Variants in HMCN1 observed in about 807,000 individuals in gnomAD.
The protein encoded by HMCN1 is hemicentin 1, also known as hemicentin-1.
HMCN1 carries 321 observed loss-of-function variants against 625.9 expected under a neutral mutation model. That is an observed-to-expected ratio of 0.51 (90% confidence interval 0.47 to 0.56). The LOEUF (loss-of-function observed/expected upper bound fraction) is 0.56, where lower values mean the gene tolerates loss of function less well. Ranked by LOEUF, HMCN1 falls within the 20% of genes least tolerant of loss-of-function variation. The pLI is 0.00. For synonymous variants in HMCN1, 2,425 were observed against 2,417.6 expected (o/e 1.00, Z -0.09); for missense variants, 6,588 against 6,887.3 (o/e 0.96, Z 1.54).
intron 87 of HMCN1, 46 bp downstream of exon 87, chr1:186,136,983 G>A (rs1558251012): frequency 1.2e-6 from 2 of 1,601,640 alleles, no homozygotes; most frequent in Admixed American, 1.7e-5. Flanking sequence ...TACCTGGGGT[G>A]ACTCAAATCA....
chr1:186,190,186 A>G lies in HMCN1; in HGVS notation c.*308A>G, dbSNP rs1013584383. On this transcript the variant is annotated 3_prime_UTR_variant, in exon 107 of 107. Coordinates refer to ENST00000271588, the MANE Select transcript of HMCN1 (RefSeq NM_031935.3). Reference sequence around the variant, plus strand: ...GATGGTTTACAGTAGTGTAGTACCTAAGATCATTTTCCTGAAAGCCAAACC... The same window carrying G: ...GATGGTTTACAGTAGTGTAGTACCTGAGATCATTTTCCTGAAAGCCAAACC... The G allele has an allele frequency of 2.0e-5, 6 of 295,994 alleles. No homozygotes were observed. Among genetic ancestry groups the G allele is most frequent in the African/African-American group, 8.5e-5 (4 of 47,182 alleles). 18.3% of individuals were successfully genotyped at this position (295,994 alleles called of 1,614,324 possible). A position where few individuals can be genotyped will look rare whatever the true frequency, so the allele number is the denominator to read the frequency against.
rs777849268 is a variant in HMCN1, at chr1:185,864,559, T to G, written c.429T>G (p.Thr143=). The G allele has an allele frequency of 6.2e-7, 1 of 1,614,068 alleles. No individual in the cohort carries two copies. The highest frequency in any genetic ancestry group is 8.5e-7 in the Non-Finnish European group (1 of 1,179,942). Residue 143 remains threonine, a synonymous_variant, in exon 3 of 107, where the codon ACT becomes ACG. Transcript: ENST00000271588. The stretch of plus-strand genomic sequence containing the variant: ...CTGGTTCTTTCATCTATGTTTTCAC[T>G]GATGCTCGGTCCAAAGATTACCGGC... The part of the protein sequence containing the change: ...SLPGSFIYVF[T]DARSKDYRLT...
rs192080238 is a variant in HMCN1, at chr1:186,187,927, C to T, written c.16459C>T (p.Arg5487Cys). The change falls in exon 106 of 107, where the codon CGC becomes TGC. Residue 5487 changes from arginine to cysteine, a missense_variant. Transcript: ENST00000271588. ...LEQNVHCGPNRMCFNMRGSYQ... is the reference protein window; with the variant it reads ...LEQNVHCGPNCMCFNMRGSYQ... ...GCAGAATGTGCACTGTGGACCCAATCGCATGTGCTTCAACATGAGAGGAAG... is the reference window on the plus strand; with the variant it reads ...GCAGAATGTGCACTGTGGACCCAATTGCATGTGCTTCAACATGAGAGGAAG... 8.7e-6 allele frequency: 14 copies of T among 1,613,778 alleles called. No homozygotes were observed. The highest frequency in any genetic ancestry group is 2.2e-5 in the East Asian group (1 of 44,858).
intron 1 of HMCN1, among the ~76,000 whole-genome samples, chr1:185,844,388 A>C (rs888388007): frequency 2.0e-5 from 3 of 152,296 alleles, no homozygotes; most frequent in Admixed American, 6.5e-5. Context: ...TGTTATTTCT[A>C]AGAAAAAGTA....
rs887480931 is a variant in HMCN1, at chr1:186,114,014, G to A, written c.11167G>A (p.Val3723Ile). 1 of 1,614,138 alleles carries A rather than the reference G, an allele frequency of 6.2e-7. No individual in the cohort carries two copies. Among genetic ancestry groups the A allele is most frequent in the Admixed American group, 1.7e-5 (1 of 60,018 alleles). The change falls in exon 73 of 107, where the codon GTA becomes ATA. Residue 3723 changes from valine (V) to isoleucine (I), a missense_variant. Val to Ile is a conservative substitution (Grantham distance 29). Around this residue, in one of 3 missense-constraint regions of HMCN1, gnomAD observed 4,628 missense variants for 4,853.1 expected, o/e 0.95. Coordinates refer to ENST00000271588, the MANE Select transcript of HMCN1 (RefSeq NM_031935.3). ...PNIKGGPQSL[V>I]ILLNKSTVLE... ...CATAAAGGGGGGCCCCCAGAGCCTTGTAATTCTTTTAAATAAGTCAACTGT... is the reference window on the plus strand; with the variant it reads ...CATAAAGGGGGGCCCCCAGAGCCTTATAATTCTTTTAAATAAGTCAACTGT...
At chr1:185,900,666 G>A (rs1665753967) in intron 4 of HMCN1, among the ~76,000 whole-genome samples, 2 of 151,824 alleles carry the variant, frequency 1.3e-5, no homozygotes. Flanking sequence ...ACTATTATAT[G>A]CTCTATTATA....
At chr1:185,869,376 T>TCCACA (rs1663465421) in intron 4 of HMCN1, among the ~76,000 whole-genome samples, 1 of 152,202 alleles carries the variant, frequency 6.6e-6, no homozygotes, top group Non-Finnish European at 1.5e-5. Context: ...ACTTAAATGT[T>TCCACA]CCACACAAGG....
chr1:185,970,339 T>G lies in HMCN1; in HGVS notation c.2217T>G (p.Asp739Glu). The change falls in exon 15 of 107, where the codon GAT (aspartate) becomes GAG (glutamate). Residue 739 changes from aspartate to glutamate, a missense_variant. Physicochemically the swap from Asp to Glu is conservative, Grantham distance 45 (BLOSUM62 2). Transcript: ENST00000271588. ...PPPQVKWFKG[D>E]LELRPSTFLI... ...CTCCCCTTTGTTTTGACTTAGGAGA[T>G]CTTGAGTTGAGGCCCTCAACATTCC... 6.2e-7 allele frequency: 1 copy of G among 1,613,344 alleles called. No homozygotes were observed. The highest frequency in any genetic ancestry group is 8.5e-7 in the Non-Finnish European group (1 of 1,179,276).
At chr1:185,810,023 C>T (rs1571385568) in intron 1 of HMCN1, among the ~76,000 whole-genome samples, 1 of 152,064 alleles carries the variant, frequency 6.6e-6, no homozygotes, top group African/African-American at 2.4e-5. Flanking sequence ...CTTGAATAAA[C>T]AAACCGATCA....
At chr1:185,782,170 T>C (rs372783868) in intron 1 of HMCN1, among the ~76,000 whole-genome samples, 7,615 of 152,060 alleles carry the variant, frequency 0.05, 582 homozygotes, top group African/African-American at 0.17. Flanking sequence ...GATTGCAACC[T>C]CTGCCTTTTT....
At chr1:186,025,982 C>T (rs1014599958) in intron 36 of HMCN1, among the ~76,000 whole-genome samples, 4 of 152,176 alleles carry the variant, frequency 2.6e-5, no homozygotes, top group South Asian at 2.1e-4. Flanking sequence ...TGATGAAGTG[C>T]ACTTCTAATC....
rs749123876 is a variant in HMCN1 at position 185,805,586 on chromosome 1, C to T, written c.269-40440C>T. ...AAAAGGAATACATGTATTCTATATC[C>T]CTCAAAAATATTTAGGCAAAGTTAC... On this transcript the variant is annotated intron_variant, in intron 1 of 106. Coordinates refer to ENST00000271588, the MANE Select transcript of HMCN1 (RefSeq NM_031935.3). Among the ~76,000 whole-genome samples the T allele has an allele frequency of 8.7e-4, 133 of 152,124 alleles. 1 individual carries two copies. The highest frequency in any genetic ancestry group is 1.5e-3 in the Non-Finnish European group (101 of 67,996).
At chr1:186,111,451 C>T (rs1228600048) in intron 71 of HMCN1, among the ~76,000 whole-genome samples, 1 of 151,982 alleles carries the variant, frequency 6.6e-6, no homozygotes, top group Non-Finnish European at 1.5e-5. Context: ...GGGTTCAAGA[C>T]CAGCCTGGGC....
At chr1:185,802,673 A>C (rs905804785) in intron 1 of HMCN1, among the ~76,000 whole-genome samples, 1 of 152,158 alleles carries the variant, frequency 6.6e-6, no homozygotes, top group East Asian at 1.9e-4. Flanking sequence ...TGAGATGGAG[A>C]CTGAAAAGTG....
chr1:185,876,677 T>A (rs551070484), intron 4 of HMCN1, among the ~76,000 whole-genome samples: 1 of 152,280 alleles, frequency 6.6e-6, no homozygotes, highest in Admixed American at 6.5e-5. Flanking sequence ...GATGAACATT[T>A]TTTTCATATG....
rs1006880056 is a variant in HMCN1, at chr1:185,797,759, G to A, written c.269-48267G>A. ...AGGCGGGCGGATCACGAGGTCAGGA[G>A]ATCGAGACCATCCCGGCTAAAACGG... On this transcript the variant is annotated intron_variant, in intron 1 of 106. Coordinates refer to ENST00000271588, the MANE Select transcript of HMCN1 (RefSeq NM_031935.3). 3.9e-5 allele frequency among the ~76,000 whole-genome samples: 5 copies of A among 129,380 alleles called. 1 individual carries two copies. The highest frequency in any genetic ancestry group is 9.6e-5 in the African/African-American group (2 of 20,804). 84.9% of individuals were successfully genotyped at this position (129,380 alleles called of 152,430 possible).
chr1:185,813,981 T>C (rs11583047), intron 1 of HMCN1, among the ~76,000 whole-genome samples: 8,216 of 152,224 alleles, frequency 0.054, 315 homozygotes, highest in Non-Finnish European at 0.079. Context: ...TAAATTATAG[T>C]GGGTTTTTAA....
intron 1 of HMCN1, among the ~76,000 whole-genome samples, chr1:185,777,992 T>C (rs1656743630): frequency 6.6e-6 from 1 of 152,210 alleles, no homozygotes; most frequent in Non-Finnish European, 1.5e-5. Context: ...GTGGATGGAC[T>C]AATCTGTTTG....
In HMCN1 at chr1:185,989,736, A is replaced by G. The variant is rs184559965; in HGVS notation, c.3208+89A>G. ...TTTCCCCAATACTGTTACCAGATGC[A>G]TGTACCCCTAAAGTGAACTGCTCCC... On this transcript the variant is annotated intron_variant, in intron 21 of 106. Coordinates refer to ENST00000271588, the MANE Select transcript of HMCN1 (RefSeq NM_031935.3). The G allele has an allele frequency of 9.9e-6, 12 of 1,210,732 alleles. No homozygotes were observed. The Admixed American group carries it at 2.2e-4, about 23-fold the overall frequency. The allele number at this position is 1,210,732 out of a possible 1,614,324, so 75.0% of individuals were successfully genotyped here. A position where few individuals can be genotyped will look rare whatever the true frequency, so the allele number is the denominator to read the frequency against.
Sources: gnomAD v4.1 joint callset for allele counts (sites outside exome capture counted in the v4.1 genomes callset) on GRCh38, gnomAD v4.1.1 for gene constraint, gnomAD v4.1.1 regional missense constraint, MANE v1.5 for transcripts, NCBI Gene and HGNC (gene_info 2026-07-23, HGNC 2026-07-21) for gene names.